Variants in CHSY3 observed in about 807,000 individuals in gnomAD.
CHSY3 encodes the protein N-acetylgalactosaminyl-proteoglycan 3-beta-glucuronosyltransferase 3.
CHSY3 carries 35 observed loss-of-function variants against 67.2 expected under a neutral mutation model. The ratio of observed to expected loss-of-function variants is 0.52; its 90% CI spans 0.40 to 0.69. The LOEUF (loss-of-function observed/expected upper bound fraction) is 0.69. Ranked by LOEUF, CHSY3 falls within the 30% of genes least tolerant of loss-of-function variation. CHSY3 has a pLI of 0.00. For synonymous variants in CHSY3, 474 were observed against 434.7 expected (o/e 1.09, Z -1.12); for missense variants, 1,069 against 1,138.5 (o/e 0.94, Z 0.88).
intron 2 of CHSY3, among the ~76,000 whole-genome samples, chr5:130,097,011 G>T: frequency 6.6e-6 from 1 of 152,128 alleles, no homozygotes; most frequent in East Asian, 1.9e-4. Context: ...CTGCTTCCAA[G>T]TGTCTAATTT....
intron 2 of CHSY3, among the ~76,000 whole-genome samples, chr5:129,947,779 A>G (rs1761904180): frequency 1.3e-5 from 2 of 152,108 alleles, no homozygotes; most frequent in African/African-American, 4.8e-5. Flanking sequence ...ACCAACATGT[A>G]TCTTTTGACT....
Position 130,090,476 on chromosome 5 carries a change from A to G in CHSY3, c.1087-93753A>G, listed in dbSNP as rs75070977. Among the ~76,000 whole-genome samples the G allele has an allele frequency of 1.6e-3, 245 of 152,250 alleles. 1 individual carries two copies. The highest frequency in any genetic ancestry group is 5.8e-3 in the African/African-American group (239 of 41,540). On this transcript the variant is annotated intron_variant, in intron 2 of 2. Coordinates refer to ENST00000305031, the MANE Select transcript of CHSY3 (RefSeq NM_175856.5). Reference sequence around the variant, plus strand: ...ACACAGGTGAGGTCACATTCAGGAAAACAAGGCTGGTGCCCTTTTTCAAGG... The same window carrying G: ...ACACAGGTGAGGTCACATTCAGGAAGACAAGGCTGGTGCCCTTTTTCAAGG...
chr5:130,117,049 A>G (rs1767832008), intron 2 of CHSY3, among the ~76,000 whole-genome samples: 1 of 152,100 alleles, frequency 6.6e-6, no homozygotes, highest in African/African-American at 2.4e-5. Context: ...TTCAGTACCT[A>G]CCAATCTCTT....
Position 129,944,276 on chromosome 5 carries a change from G to C in CHSY3, c.1086+35916G>C, listed in dbSNP as rs887542446. On this transcript the variant is annotated intron_variant, in intron 2 of 2. Coordinates refer to ENST00000305031, the MANE Select transcript of CHSY3 (RefSeq NM_175856.5). Reference sequence around the variant, plus strand: ...GGAGAAGACTAGTTGTTCTAGACTGGTAATGCAAGGTATCCAGAAAGAGAT... The same window carrying C: ...GGAGAAGACTAGTTGTTCTAGACTGCTAATGCAAGGTATCCAGAAAGAGAT... 2.0e-5 allele frequency among the ~76,000 whole-genome samples: 3 copies of C among 152,222 alleles called. No homozygotes were observed. In the East Asian group the frequency reaches 5.8e-4, roughly 29 times the overall value.
At chr5:130,083,940 GT>G (rs959609738) in intron 2 of CHSY3, among the ~76,000 whole-genome samples, 1 of 151,346 alleles carries the variant, frequency 6.6e-6, no homozygotes, top group Non-Finnish European at 1.5e-5. Flanking sequence ...TTGTATTTCA[GT>G]TTTTTCCTTC....
intron 2 of CHSY3, among the ~76,000 whole-genome samples, chr5:130,091,264 A>G (rs1284908248): frequency 6.6e-6 from 1 of 152,148 alleles, no homozygotes; most frequent in African/African-American, 2.4e-5. Flanking sequence ...CCTCGATTTA[A>G]AAAAGTGAGA....
chr5:129,956,803 A>G (rs947152316), intron 2 of CHSY3, among the ~76,000 whole-genome samples: 5 of 151,522 alleles, frequency 3.3e-5, no homozygotes, highest in African/African-American at 1.2e-4. Flanking sequence ...TGGGCTCTCT[A>G]TTCTGTTTCA....
chr5:129,922,459 A>G (rs945572677), intron 2 of CHSY3, among the ~76,000 whole-genome samples: 1 of 152,266 alleles, frequency 6.6e-6, no homozygotes, highest in South Asian at 2.1e-4. Context: ...CCAAAAGTGT[A>G]CAAGGGTTCC....
intron 2 of CHSY3, among the ~76,000 whole-genome samples, chr5:130,023,317 G>C (rs1042825737): frequency 2.0e-5 from 3 of 151,904 alleles, no homozygotes; most frequent in South Asian, 2.1e-4. Flanking sequence ...GGATTTTTGA[G>C]AATACATTTC....
chr5:130,143,798 A>ATGTGTGTG lies in CHSY3; in HGVS notation c.1087-40430_1087-40429insGTGTGTGT, dbSNP rs1384663917. On this transcript the variant is annotated intron_variant, in intron 2 of 2. Coordinates refer to ENST00000305031, the MANE Select transcript of CHSY3 (RefSeq NM_175856.5). ...TATATATATGTGTATATATATATAT[A>ATGTGTGTG]TATATATGTGTGTATATATATATAT... 5.3e-4 allele frequency among the ~76,000 whole-genome samples: 47 copies of ATGTGTGTG among 89,228 alleles called. 2 individuals are homozygous for ATGTGTGTG. The highest frequency in any genetic ancestry group is 2.0e-3 in the African/African-American group (39 of 19,434). The allele number at this position is 89,228 out of a possible 152,430, so 58.5% of individuals were successfully genotyped here.
chr5:130,025,019 G>A (rs1054836803), intron 2 of CHSY3, among the ~76,000 whole-genome samples: 1 of 152,112 alleles, frequency 6.6e-6, no homozygotes, highest in Non-Finnish European at 1.5e-5. Context: ...TATGGCATAA[G>A]GCAGGTTATA....
intron 2 of CHSY3, among the ~76,000 whole-genome samples, chr5:130,103,944 T>C (rs2149700149): frequency 6.6e-6 from 1 of 152,084 alleles, no homozygotes; most frequent in South Asian, 2.1e-4. Flanking sequence ...CTTAAAAGTG[T>C]CTTATATCTC....
In CHSY3 at chr5:129,972,930, G is replaced by A. The variant is rs184484819; in HGVS notation, c.1086+64570G>A. ...GCTCTTTTCTCCCATGCACTGCCCT[G>A]TCCCTTCTTACTTGATCTTTAGCCC... On this transcript the variant is annotated intron_variant, in intron 2 of 2. Coordinates refer to ENST00000305031, the MANE Select transcript of CHSY3 (RefSeq NM_175856.5). Among the ~76,000 whole-genome samples, 222 of 152,022 alleles carry A rather than the reference G, an allele frequency of 1.5e-3. 1 individual carries two copies. The highest frequency in any genetic ancestry group is 4.8e-3 in the African/African-American group (201 of 41,474).
At position 130,104,527 on chromosome 5, in the gene CHSY3, C is replaced by T. The variant is rs142211911; in HGVS notation, c.1087-79702C>T. On this transcript the variant is annotated intron_variant, in intron 2 of 2. Transcript: ENST00000305031. ...CCTATTTTTAGGAGGGACTTCACAC[C>T]AAAAGCCAAAGGTTCAGGGCTTTTG... Among the ~76,000 whole-genome samples the T allele has an allele frequency of 5.2e-3, 794 of 151,696 alleles. 3 individuals are homozygous for T. Among genetic ancestry groups the T allele is most frequent in the Middle Eastern group, 0.01 (3 of 294 alleles).
intron 2 of CHSY3, among the ~76,000 whole-genome samples, chr5:130,117,468 C>G (rs1358709801): frequency 6.6e-6 from 1 of 152,154 alleles, no homozygotes; most frequent in African/African-American, 2.4e-5. Flanking sequence ...CAGTCAATGG[C>G]TTTCTCTCTG....
chr5:129,923,844 A>G (rs935915966), intron 2 of CHSY3, among the ~76,000 whole-genome samples: 9 of 152,230 alleles, frequency 5.9e-5, no homozygotes, highest in African/African-American at 2.2e-4. Flanking sequence ...ACTTTTTAGT[A>G]GAAAAGTAAG....
At chr5:129,998,538 G>A (rs1196130328) in intron 2 of CHSY3, among the ~76,000 whole-genome samples, 1 of 152,150 alleles carries the variant, frequency 6.6e-6, no homozygotes, top group Non-Finnish European at 1.5e-5. Flanking sequence ...TGCTTTGTAA[G>A]TGAAAATACA....
chr5:129,932,440 T>C (rs1043229079), intron 2 of CHSY3, among the ~76,000 whole-genome samples: 2 of 152,182 alleles, frequency 1.3e-5, no homozygotes, highest in African/African-American at 4.8e-5. Context: ...ATGTTAATTA[T>C]GTCTTTGAAA....
intron 2 of CHSY3, among the ~76,000 whole-genome samples, chr5:130,181,891 T>C (rs1347584171): frequency 6.6e-6 from 1 of 152,192 alleles, no homozygotes; most frequent in Non-Finnish European, 1.5e-5. Flanking sequence ...TACATGAATA[T>C]ACTACATTTA....
Sources: gnomAD v4.1 joint callset for allele counts (sites outside exome capture counted in the v4.1 genomes callset) on GRCh38, gnomAD v4.1.1 for gene constraint, MANE v1.5 for transcripts, NCBI Gene and HGNC (gene_info 2026-07-23, HGNC 2026-07-21) for gene names.